The following LPP variants were observed in gnomAD, a reference collection of about 807,000 sequenced individuals.
The protein encoded by LPP is LIM domain containing preferred translocation partner in lipoma.
A neutral mutation model predicts 60.4 loss-of-function variants in LPP; 38 were observed. That is an observed-to-expected ratio of 0.63 (90% confidence interval 0.49 to 0.83). LPP has a LOEUF of 0.83. Ranked by LOEUF, LPP falls within the 40% of genes least tolerant of loss-of-function variation. LPP has a pLI of 0.00. For synonymous variants in LPP, 328 were observed against 290.8 expected (o/e 1.13, Z -1.30); for missense variants, 902 against 783.6 (o/e 1.15, Z -1.80).
At chr3:188,823,903 T>C (rs1467180662) in intron 9 of LPP, among the ~76,000 whole-genome samples, 1 of 152,196 alleles carries the variant, frequency 6.6e-6, no homozygotes, top group Non-Finnish European at 1.5e-5. Flanking sequence ...CGGCTTGCTT[T>C]TGTTATTACT....
At chr3:188,646,435 T>A (rs1851112185) in intron 7 of LPP, among the ~76,000 whole-genome samples, 1 of 152,212 alleles carries the variant, frequency 6.6e-6, no homozygotes, top group Non-Finnish European at 1.5e-5. Flanking sequence ...AAATAATTCT[T>A]TGCATACAAA....
chr3:188,553,332 TA>T (rs1198397961), intron 6 of LPP, among the ~76,000 whole-genome samples: 9 of 152,114 alleles, frequency 5.9e-5, no homozygotes, highest in Non-Finnish European at 8.8e-5. Context: ...ATGTTCTGGG[TA>T]AAAAGTTCAG....
chr3:188,866,075 T>C (rs1334011365), intron 9 of LPP, 125 bp from the exon 10 acceptor site: 4 of 645,314 alleles, frequency 6.2e-6, no homozygotes, highest in Non-Finnish European at 7.1e-6. Context: ...TTGTAAATGG[T>C]GATAAATGCC....
intron 8 of LPP, among the ~76,000 whole-genome samples, chr3:188,744,228 C>T (rs1053049047): frequency 6.6e-6 from 1 of 152,098 alleles, no homozygotes; most frequent in Non-Finnish European, 1.5e-5. Flanking sequence ...AGAATTTTTC[C>T]ACTACCCCTA....
At chr3:188,580,688 A>G (rs1309461385) in intron 6 of LPP, among the ~76,000 whole-genome samples, 1 of 152,210 alleles carries the variant, frequency 6.6e-6, no homozygotes, top group Non-Finnish European at 1.5e-5. Flanking sequence ...TTTCCCACCA[A>G]AAGTCAAAGA....
At chr3:188,208,030 C>A (rs1035997976) in intron 1 of LPP, among the ~76,000 whole-genome samples, 1 of 152,188 alleles carries the variant, frequency 6.6e-6, no homozygotes, top group Non-Finnish European at 1.5e-5. Flanking sequence ...CACATCTATG[C>A]AATAAATTAC....
At chr3:188,484,075 C>T (rs900082058) in intron 4 of LPP, among the ~76,000 whole-genome samples, 2 of 152,148 alleles carry the variant, frequency 1.3e-5, no homozygotes, top group African/African-American at 4.8e-5. Context: ...GCCATGCCTA[C>T]ATTCTCCTGT....
chr3:188,429,170 CATT>C (rs1215453813), intron 4 of LPP, among the ~76,000 whole-genome samples: 2 of 152,082 alleles, frequency 1.3e-5, no homozygotes, highest in Non-Finnish European at 2.9e-5. Flanking sequence ...AGAAACATTA[CATT>C]ATTATTATTG....
chr3:188,426,999 T>C (rs1196618934), intron 4 of LPP, among the ~76,000 whole-genome samples: 1 of 152,210 alleles, frequency 6.6e-6, no homozygotes, highest in Non-Finnish European at 1.5e-5. Context: ...TCTATGATGC[T>C]AGCTGGTTAT....
At chr3:188,343,926 C>T (rs4132172) in intron 3 of LPP, among the ~76,000 whole-genome samples, 48,630 of 152,108 alleles carry the variant, frequency 0.32, 8,273 homozygotes, top group African/African-American at 0.42. Flanking sequence ...AACAGGTACC[C>T]ACTTAATGAG....
chr3:188,856,399 T>C (rs191254146), intron 9 of LPP, among the ~76,000 whole-genome samples: 21 of 152,342 alleles, frequency 1.4e-4, no homozygotes, highest in Non-Finnish European at 1.6e-4. Context: ...TATACTTGTC[T>C]ACTTCTCTCC....
intron 9 of LPP, among the ~76,000 whole-genome samples, chr3:188,821,750 A>G (rs1295356441): frequency 1.3e-5 from 2 of 152,170 alleles, no homozygotes; most frequent in East Asian, 1.9e-4. Context: ...ACATTTTCCC[A>G]TATCTTCCCA....
chr3:188,560,892 T>A lies in LPP; in HGVS notation c.429+36105T>A, dbSNP rs191499234. Among the ~76,000 whole-genome samples, 222 of 152,232 alleles carry A rather than the reference T, an allele frequency of 1.5e-3. 1 individual carries two copies. Among genetic ancestry groups the A allele is most frequent in the Non-Finnish European group, 2.3e-3 (159 of 67,992 alleles). ...AAGTCTCAGTAGTAACTCCTGAAGA[T>A]GGGGATTCTTACCCACATTTTAGAG... On this transcript the variant is annotated intron_variant, in intron 6 of 11. Transcript: ENST00000617246.
intron 9 of LPP, among the ~76,000 whole-genome samples, chr3:188,770,191 T>C (rs1490808538): frequency 7.1e-6 from 1 of 141,360 alleles, no homozygotes; most frequent in Non-Finnish European, 1.5e-5. Flanking sequence ...TTTTTTTTTT[T>C]TTTCCGAGAC....
intron 3 of LPP, among the ~76,000 whole-genome samples, chr3:188,356,128 A>G (rs1767541732): frequency 6.6e-6 from 1 of 152,170 alleles, no homozygotes; most frequent in Non-Finnish European, 1.5e-5. Flanking sequence ...AAGATATCAG[A>G]TGTCCTTATT....
At chr3:188,438,929 A>G (rs9882818) in intron 4 of LPP, among the ~76,000 whole-genome samples, 90,671 of 151,980 alleles carry the variant, frequency 0.6, 29,732 homozygotes, top group East Asian at 0.99. Context: ...CATTGAATGC[A>G]TATGTCTATT....
At chr3:188,356,921 C>G (rs1578298253) in intron 3 of LPP, among the ~76,000 whole-genome samples, 1 of 152,188 alleles carries the variant, frequency 6.6e-6, no homozygotes, top group East Asian at 1.9e-4. Context: ...ATGAATTTTA[C>G]TTTGTACGGC....
intron 3 of LPP, among the ~76,000 whole-genome samples, chr3:188,375,215 G>C (rs1210746305): frequency 6.6e-6 from 1 of 152,022 alleles, no homozygotes; most frequent in East Asian, 1.9e-4. Flanking sequence ...GATGATGCTG[G>C]CCTCATAAAA....
chr3:188,484,754 A>G (rs773834100), intron 5 of LPP, 50 bp downstream of exon 5: 4 of 1,383,168 alleles, frequency 2.9e-6, no homozygotes, highest in East Asian at 4.6e-5. Flanking sequence ...AGTTAAAGTC[A>G]TGTTTATAAG....
Sources: gnomAD v4.1 joint callset for allele counts (sites outside exome capture counted in the v4.1 genomes callset) on GRCh38, gnomAD v4.1.1 for gene constraint, MANE v1.5 for transcripts, NCBI Gene and HGNC (gene_info 2026-07-23, HGNC 2026-07-21) for gene names.